Variants in ADAMTS3 observed in about 807,000 individuals in gnomAD.
ADAMTS3 encodes the protein ADAM metallopeptidase with thrombospondin type 1 motif 3.
Under a neutral mutation model 129.0 loss-of-function variants are expected in ADAMTS3, and 73 were observed. The observed-to-expected ratio is 0.57, with a 90% CI of 0.47 to 0.69. ADAMTS3 has a LOEUF of 0.69. Ranked by LOEUF, ADAMTS3 falls within the 30% of genes least tolerant of loss-of-function variation. The pLI is 0.00. For missense variants in ADAMTS3, 1,457 were observed against 1,514.5 expected (o/e 0.96, Z 0.63); for synonymous variants, 477 against 510.8 (o/e 0.93, Z 0.89).
chr4:72,469,230 A>T (rs1718999904), intron 3 of ADAMTS3, among the ~76,000 whole-genome samples: 1 of 152,140 alleles, frequency 6.6e-6, no homozygotes, highest in South Asian at 2.1e-4. Context: ...TTAACCAGTT[A>T]ACAATGTAGC....
chr4:72,350,115 A>G lies in ADAMTS3; in HGVS notation c.662-10422T>C, dbSNP rs1488604907. 3.9e-5 allele frequency among the ~76,000 whole-genome samples: 6 copies of G among 152,108 alleles called. No individual in the cohort carries two copies. In the East Asian group the frequency reaches 9.7e-4, roughly 25 times the overall value. ...TTAATAACAAACCTTTTTTGCATTC[A>G]AACAAAATTGTTGAGCCATTCCTAA... On this transcript the variant is annotated intron_variant, in intron 4 of 21. Transcript: ENST00000286657.
At chr4:72,309,026 C>T (rs1719159477) in intron 15 of ADAMTS3, among the ~76,000 whole-genome samples, 1 of 151,762 alleles carries the variant, frequency 6.6e-6, no homozygotes, top group African/African-American at 2.4e-5. Flanking sequence ...TTTTTAAACT[C>T]CTGATCAATA....
intron 3 of ADAMTS3, among the ~76,000 whole-genome samples, chr4:72,432,445 C>G (rs1187002823): frequency 1.3e-5 from 2 of 151,894 alleles, no homozygotes; most frequent in African/African-American, 4.8e-5. Flanking sequence ...TAACAGCACC[C>G]AGCTTTTCAT....
intron 2 of ADAMTS3, among the ~76,000 whole-genome samples, chr4:72,555,515 T>G (rs980755889): frequency 6.6e-6 from 1 of 151,744 alleles, no homozygotes; most frequent in African/African-American, 2.4e-5. Context: ...GGCCTGAGCT[T>G]CCATAGCACT....
rs540979453 is a variant in ADAMTS3 at position 72,500,125 on chromosome 4, CT to C, written c.504+48352del. On this transcript the variant is annotated intron_variant, in intron 3 of 21. Coordinates refer to ENST00000286657, the MANE Select transcript of ADAMTS3 (RefSeq NM_014243.3). ...TCTTCTTGGTAGAATGATTTATTTT[CT>C]TTTGGATATATACCCAGTAATGAGA... is the stretch of plus-strand genomic sequence containing the variant. Among the ~76,000 whole-genome samples, 13 of 152,178 alleles carry C rather than the reference CT, an allele frequency of 8.5e-5. No individual in the cohort carries two copies. In the East Asian group the frequency reaches 1.7e-3, roughly 20 times the overall value.
chr4:72,342,557 G>C (rs778979882), intron 4 of ADAMTS3, among the ~76,000 whole-genome samples: 10 of 151,932 alleles, frequency 6.6e-5, no homozygotes, highest in Non-Finnish European at 1.2e-4. Flanking sequence ...ATTTTTAGTA[G>C]AGACGGGGTT....
chr4:72,548,641 G>A lies in ADAMTS3; in HGVS notation c.341C>T (p.Ser114Phe). Residue 114 changes from serine (S) to phenylalanine (F), a missense_variant, in exon 3 of 22, where the codon TCT becomes TTT. Transcript: ENST00000286657. ...PGAVVEWHET[S>F]LVPGNITDPI... ...ATCGGTTATATTCCCAGGCACCAGA[G>A]ATGTCTCATGCCACTCCACAACAGC... 6.2e-7 allele frequency: 1 copy of A among 1,614,004 alleles called. No individual in the cohort carries two copies. Among genetic ancestry groups the A allele is most frequent in the Non-Finnish European group, 8.5e-7 (1 of 1,179,918 alleles).
intron 3 of ADAMTS3, among the ~76,000 whole-genome samples, chr4:72,523,681 T>C (rs1441006139): frequency 2.0e-5 from 3 of 152,054 alleles, no homozygotes; most frequent in Non-Finnish European, 4.4e-5. Flanking sequence ...AACTTACCAA[T>C]ATGCAACCCA....
chr4:72,426,705 G>C (rs1339070040), intron 3 of ADAMTS3, among the ~76,000 whole-genome samples: 1 of 152,030 alleles, frequency 6.6e-6, no homozygotes, highest in East Asian at 1.9e-4. Flanking sequence ...AGGCAATATA[G>C]TGAGGCCCTG....
At chr4:72,300,107 TTC>T (rs1456575453) in intron 17 of ADAMTS3, among the ~76,000 whole-genome samples, 1 of 152,164 alleles carries the variant, frequency 6.6e-6, no homozygotes, top group Non-Finnish European at 1.5e-5. Context: ...ATTCTCTTTT[TTC>T]TGTCTTTTTT....
chr4:72,548,766 G>A lies in ADAMTS3; in HGVS notation c.216C>T (p.Asp72=), dbSNP rs769860676. 13 of 1,613,910 alleles carry A rather than the reference G, an allele frequency of 8.1e-6. No individual in the cohort carries two copies. The highest frequency in any genetic ancestry group is 5.5e-5 in the South Asian group (5 of 91,084). The change falls in exon 3 of 22, where the codon GAC becomes GAT. Residue 72 remains aspartate (D), a synonymous_variant. Transcript: ENST00000286657. ...SASHKKRSAR[D]VSSNPEQLFF... ...ACAACTGCTCAGGGTTGGAAGACAC[G>A]TCCCTCGCTGACCTCTTTTTGTGAC...
At chr4:72,548,105 G>T (rs1721510605) in intron 3 of ADAMTS3, among the ~76,000 whole-genome samples, 1 of 152,074 alleles carries the variant, frequency 6.6e-6, no homozygotes, top group African/African-American at 2.4e-5. Context: ...TTCCACATAA[G>T]GAGTAAAATA....
intron 3 of ADAMTS3, among the ~76,000 whole-genome samples, chr4:72,417,657 G>A (rs963052726): frequency 3.9e-5 from 6 of 151,942 alleles, no homozygotes; most frequent in African/African-American, 9.7e-5. Flanking sequence ...TAGGCTGGGC[G>A]CAGTGGCTCA....
At chr4:72,539,043 A>C (rs1721250893) in intron 3 of ADAMTS3, among the ~76,000 whole-genome samples, 2 of 152,128 alleles carry the variant, frequency 1.3e-5, no homozygotes, top group Admixed American at 6.5e-5. Flanking sequence ...TAAATATAAG[A>C]CATAAAACTA....
chr4:72,537,359 T>G (rs1721207355), intron 3 of ADAMTS3, among the ~76,000 whole-genome samples: 1 of 152,218 alleles, frequency 6.6e-6, no homozygotes, highest in Non-Finnish European at 1.5e-5. Context: ...AAATCCCTCC[T>G]CATCTGACTG....
intron 3 of ADAMTS3, among the ~76,000 whole-genome samples, chr4:72,492,028 C>A (rs945474028): frequency 6.6e-6 from 1 of 151,472 alleles, no homozygotes; most frequent in African/African-American, 2.4e-5. Flanking sequence ...TGATCCATTT[C>A]TTTTATGTAA....
intron 4 of ADAMTS3, among the ~76,000 whole-genome samples, chr4:72,368,086 T>C (rs1720916862): frequency 6.6e-6 from 1 of 152,208 alleles, no homozygotes; most frequent in South Asian, 2.1e-4. Flanking sequence ...CGCTAAAACA[T>C]GTTCTCATAT....
Position 72,322,997 on chromosome 4 carries a change from G to A in ADAMTS3, c.945+17C>T, listed in dbSNP as rs1252634656. On this transcript the variant is annotated intron_variant, in intron 6 of 21. Transcript: ENST00000286657. ...CCAGTCCCTAATGTTTATAATTCATGTTTTAAGACATTTTACCTTTGCATA... is the reference window on the plus strand; with the variant it reads ...CCAGTCCCTAATGTTTATAATTCATATTTTAAGACATTTTACCTTTGCATA... The A allele has an allele frequency of 6.3e-7, 1 of 1,597,208 alleles. No individual in the cohort carries two copies. The highest frequency in any genetic ancestry group is 8.6e-7 in the Non-Finnish European group (1 of 1,165,576).
chr4:72,493,174 A>G (rs1402385195), intron 3 of ADAMTS3, among the ~76,000 whole-genome samples: 1 of 151,868 alleles, frequency 6.6e-6, no homozygotes, highest in Non-Finnish European at 1.5e-5. Context: ...CAGCCATTCT[A>G]TCCTATGACT....
Sources: allele counts gnomAD v4.1 joint callset (sites outside exome capture counted in the v4.1 genomes callset), GRCh38; gene constraint gnomAD v4.1.1; transcripts MANE v1.5; gene names NCBI Gene and HGNC (gene_info 2026-07-23, HGNC 2026-07-21).